SPRED2: variants seen among roughly 807,000 people sequenced by gnomAD.
SPRED2 encodes sprouty related EVH1 domain containing 2.
A neutral mutation model predicts 43.0 loss-of-function variants in SPRED2; 47 were observed. That is an observed-to-expected ratio of 1.09 (90% confidence interval 0.87 to 1.40). SPRED2 has a LOEUF of 1.40. SPRED2 is among the 40% of genes most tolerant of loss of function. The pLI is 0.00. For synonymous variants in SPRED2, 225 were observed against 225.7 expected, an observed-to-expected ratio of 1.00 and a Z score of 0.03; for missense variants, 561 against 586.4, an observed-to-expected ratio of 0.96 and a Z score of 0.45.
chr2:65,420,099 A>T (rs1676385963), intron 1 of SPRED2, among the ~76,000 whole-genome samples: 1 of 151,258 alleles, frequency 6.6e-6, no homozygotes, highest in Non-Finnish European at 1.5e-5. Flanking sequence ...AGACCCAGCT[A>T]CTTGGGAGGC....
At chr2:65,420,806 G>A (rs1449493892) in intron 1 of SPRED2, among the ~76,000 whole-genome samples, 1 of 152,116 alleles carries the variant, frequency 6.6e-6, no homozygotes, top group Non-Finnish European at 1.5e-5. Context: ...TAACTACATT[G>A]CTGTCTAAAA....
At chr2:65,341,593 C>G (rs1375437505) in intron 2 of SPRED2, among the ~76,000 whole-genome samples, 2 of 152,122 alleles carry the variant, frequency 1.3e-5, no homozygotes, top group African/African-American at 4.8e-5. Context: ...TGGCTCACTT[C>G]TTAGAGCATT....
chr2:65,340,138 T>A (rs1674136529), intron 2 of SPRED2, among the ~76,000 whole-genome samples: 1 of 152,236 alleles, frequency 6.6e-6, no homozygotes, highest in Non-Finnish European at 1.5e-5. Context: ...ACTGTTTAAT[T>A]AAAAGTTTTA....
At chr2:65,378,569 A>T (rs2217969) in intron 1 of SPRED2, among the ~76,000 whole-genome samples, 131,029 of 152,214 alleles carry the variant, frequency 0.86, 56,832 homozygotes, top group East Asian at 0.92. Flanking sequence ...AGAGCTGTTA[A>T]AATGGCTATA....
At chr2:65,359,157 T>C (rs1404009917) in intron 1 of SPRED2, among the ~76,000 whole-genome samples, 1 of 152,204 alleles carries the variant, frequency 6.6e-6, no homozygotes, top group African/African-American at 2.4e-5. Context: ...GATATAGTCA[T>C]GATGCAATGG....
At chr2:65,356,809 T>A (rs1285535166) in intron 1 of SPRED2, among the ~76,000 whole-genome samples, 1 of 151,962 alleles carries the variant, frequency 6.6e-6, no homozygotes, top group Non-Finnish European at 1.5e-5. Context: ...CTGGCCAACA[T>A]GGTGAAACCC....
chr2:65,372,787 G>A (rs1057189023), intron 1 of SPRED2, among the ~76,000 whole-genome samples: 1 of 152,202 alleles, frequency 6.6e-6, no homozygotes, highest in Admixed American at 6.5e-5. Context: ...TGCACCAAGA[G>A]GATCATTAAC....
chr2:65,329,751 T>G (rs1044616803), intron 4 of SPRED2, among the ~76,000 whole-genome samples: 2 of 152,202 alleles, frequency 1.3e-5, no homozygotes, highest in Non-Finnish European at 2.9e-5. Flanking sequence ...TTAACCCGCC[T>G]GCTGTTGTTT....
chr2:65,311,380 C>T lies in SPRED2; in HGVS notation c.*2121G>A. On this transcript the variant is annotated 3_prime_UTR_variant, in exon 6 of 6. Transcript: ENST00000356388. The stretch of plus-strand genomic sequence containing the variant: ...TAACTCTTAAAAGGGTGGAAAAGGA[C>T]AAGGGGTGAAAGAAGAGAGAAACAG... 1.0e-6 allele frequency: 1 copy of T among 985,724 alleles called. No individual in the cohort carries two copies. Among genetic ancestry groups the T allele is most frequent in the Non-Finnish European group, 1.2e-6 (1 of 829,908 alleles). 61.1% of individuals were successfully genotyped at this position (985,724 alleles called of 1,614,324 possible).
chr2:65,330,279 G>A (rs551831435), intron 4 of SPRED2, among the ~76,000 whole-genome samples: 1 of 152,224 alleles, frequency 6.6e-6, no homozygotes, highest in Non-Finnish European at 1.5e-5. Flanking sequence ...TGGGAGACAA[G>A]TTTAATGGGT....
intron 1 of SPRED2, among the ~76,000 whole-genome samples, chr2:65,375,168 CCT>C (rs1365586781): frequency 6.6e-6 from 1 of 152,236 alleles, no homozygotes; most frequent in African/African-American, 2.4e-5. Context: ...CCTTGCCACC[CCT>C]GATGTGCCTC....
intron 1 of SPRED2, among the ~76,000 whole-genome samples, chr2:65,384,387 C>T (rs1675443486): frequency 6.6e-6 from 1 of 152,226 alleles, no homozygotes; most frequent in African/African-American, 2.4e-5. Flanking sequence ...GCCAAATCTA[C>T]TTTTACAGTC....
At chr2:65,414,366 CT>C (rs1676226152) in intron 1 of SPRED2, among the ~76,000 whole-genome samples, 1 of 152,200 alleles carries the variant, frequency 6.6e-6, no homozygotes, top group Non-Finnish European at 1.5e-5. Flanking sequence ...ACCTCTGAAG[CT>C]AATATTCCTG....
At chr2:65,357,698 A>T (rs1328566387) in intron 1 of SPRED2, among the ~76,000 whole-genome samples, 2 of 152,232 alleles carry the variant, frequency 1.3e-5, no homozygotes, top group East Asian at 3.8e-4. Context: ...CTGGCAACAC[A>T]GCTACATGAA....
At position 65,314,025 on chromosome 2, in the gene SPRED2, C is replaced by T; in HGVS notation, c.733G>A (p.Glu245Lys). The T allele has an allele frequency of 6.2e-7, 1 of 1,614,108 alleles. No individual in the cohort carries two copies. Among genetic ancestry groups the T allele is most frequent in the Non-Finnish European group, 8.5e-7 (1 of 1,180,038 alleles). The change falls in exon 6 of 6, where the codon GAG becomes AAG. Residue 245 changes from glutamate (E) to lysine (K), a missense_variant. By Grantham distance (56) the Glu-to-Lys change is moderately conservative. Coordinates refer to ENST00000356388, the MANE Select transcript of SPRED2 (RefSeq NM_181784.3). ...PVRGKYPDPS[E>K]DADSSYVRFA... ...CGCACGTAGGAGGAGTCCGCGTCCTCCGAGGGGTCCGGGTACTTGCCCCTG... is the reference window on the plus strand; with the variant it reads ...CGCACGTAGGAGGAGTCCGCGTCCTTCGAGGGGTCCGGGTACTTGCCCCTG...
chr2:65,358,704 G>A (rs1326486882), intron 1 of SPRED2, among the ~76,000 whole-genome samples: 1 of 152,214 alleles, frequency 6.6e-6, no homozygotes, highest in Non-Finnish European at 1.5e-5. Context: ...GTTTGAAATT[G>A]GAATGTATCT....
rs747697365 is a variant in SPRED2 at position 65,345,540 on chromosome 2, C to T, written c.27-644G>A. On this transcript the variant is annotated intron_variant, in intron 1 of 5. Coordinates refer to ENST00000356388, the MANE Select transcript of SPRED2 (RefSeq NM_181784.3). ...CATCCCAAAGCACTGGGATTACAGG[C>T]GGGAGCCACCACGCCCAGACTACAA... Among the ~76,000 whole-genome samples the T allele has an allele frequency of 1.6e-3, 251 of 152,172 alleles. 4 individuals carry two copies. The highest frequency in any genetic ancestry group is 5.3e-4 in the Non-Finnish European group (36 of 67,996).
chr2:65,339,308 G>A (rs1015673893), intron 2 of SPRED2, among the ~76,000 whole-genome samples: 1 of 152,042 alleles, frequency 6.6e-6, no homozygotes, highest in Non-Finnish European at 1.5e-5. Context: ...GGAAAGGATT[G>A]AGAAATCGGA....
rs113081105 is a variant in SPRED2 at position 65,363,005 on chromosome 2, G to GTTTTTTT, written c.27-18116_27-18110dup. Among the ~76,000 whole-genome samples, 112 of 121,050 alleles carry GTTTTTTT rather than the reference G, an allele frequency of 9.3e-4. 1 individual carries two copies. The highest frequency in any genetic ancestry group is 1.2e-3 in the Non-Finnish European group (70 of 58,842). The allele number at this position is 121,050 out of a possible 152,430, so 79.4% of individuals were successfully genotyped here. A position where few individuals can be genotyped will look rare whatever the true frequency, so the allele number is the denominator to read the frequency against. Reference sequence around the variant, plus strand: ...GCTTTCTCTATGGTCATCATGTTTTGTTTTTTTTTTTTTTTTTTTTTTTTG... The same window carrying GTTTTTTT: ...GCTTTCTCTATGGTCATCATGTTTTGTTTTTTTTTTTTTTTTTTTTTTTTTTTTTTTG... On this transcript the variant is annotated intron_variant, in intron 1 of 5. Transcript: ENST00000356388.
Sources: gnomAD v4.1 joint callset for allele counts (sites outside exome capture counted in the v4.1 genomes callset) on GRCh38, gnomAD v4.1.1 for gene constraint, MANE v1.5 for transcripts, NCBI Gene and HGNC (gene_info 2026-07-23, HGNC 2026-07-21) for gene names.